Variants in HNRNPLL observed in about 807,000 individuals in gnomAD.
HNRNPLL encodes the protein heterogeneous nuclear ribonucleoprotein L like.
HNRNPLL carries 25 observed loss-of-function variants against 67.1 expected under a neutral mutation model. That is an observed-to-expected ratio of 0.37 (90% confidence interval 0.27 to 0.52). The LOEUF (loss-of-function observed/expected upper bound fraction) is 0.52. HNRNPLL is among the 20% of genes least tolerant of loss of function. The pLI, the probability that HNRNPLL is intolerant of heterozygous loss-of-function variation, is 0.90. For synonymous variants in HNRNPLL, 267 were observed against 241.7 expected, an observed-to-expected ratio of 1.10 and a Z score of -0.97; for missense variants, 542 against 673.9, an observed-to-expected ratio of 0.80 and a Z score of 2.17.
Position 38,602,860 on chromosome 2 carries a change from G to T in HNRNPLL, c.-234C>A. 3 of 1,549,526 alleles carry T rather than the reference G, an allele frequency of 1.9e-6. No homozygotes were observed. The highest frequency in any genetic ancestry group is 2.6e-6 in the Non-Finnish European group (3 of 1,146,398). On this transcript the variant is annotated 5_prime_UTR_variant, in exon 1 of 13. Transcript: ENST00000449105. ...AGCGGCCGCTCCTCTCAATTACCGA[G>T]CCAACATTCAGCCTCTCCCTCCTCC...
chr2:38,585,917 A>G lies in HNRNPLL; in HGVS notation c.309-36T>C, dbSNP rs1443482294. On this transcript the variant is annotated intron_variant, in intron 2 of 12. Transcript: ENST00000449105. ...AGAAAAGGAGGAAACACACAAACAC[A>G]GCAAGTTCCGTTAACATTATTTGTC... The G allele has an allele frequency of 1.2e-5, 15 of 1,222,324 alleles. No individual in the cohort carries two copies. The Admixed American group carries it at 2.4e-4, about 19-fold the overall frequency. The allele number at this position is 1,222,324 out of a possible 1,614,324, so 75.7% of individuals were successfully genotyped here.
At chr2:38,577,779 A>C in intron 6 of HNRNPLL, 2 of 504,310 alleles carry the variant, frequency 4.0e-6, no homozygotes, top group Non-Finnish European at 7.5e-6. Flanking sequence ...AAATACAATC[A>C]CACTTTCAAA....
chr2:38,594,203 C>T (rs181856922), intron 1 of HNRNPLL, among the ~76,000 whole-genome samples: 1 of 151,944 alleles, frequency 6.6e-6, no homozygotes, highest in African/African-American at 2.4e-5. Flanking sequence ...AAAAAACAAA[C>T]AAAAAAACCA....
At chr2:38,571,330 T>C (rs1666074123) in intron 8 of HNRNPLL, among the ~76,000 whole-genome samples, 1 of 152,090 alleles carries the variant, frequency 6.6e-6, no homozygotes, top group African/African-American at 2.4e-5. Context: ...TAGTCACCTA[T>C]TGTTGGAGCA....
chr2:38,600,564 C>G (rs1344909675), intron 1 of HNRNPLL, among the ~76,000 whole-genome samples: 1 of 151,846 alleles, frequency 6.6e-6, no homozygotes, highest in African/African-American at 2.4e-5. Flanking sequence ...CCCTTCTCTA[C>G]AAAACACAGA....
chr2:38,583,067 T>C (rs996686760), intron 4 of HNRNPLL, among the ~76,000 whole-genome samples: 1 of 152,062 alleles, frequency 6.6e-6, no homozygotes, highest in African/African-American at 2.4e-5. Context: ...AAGAAGAACA[T>C]TACAAAGAGC....
intron 6 of HNRNPLL, among the ~76,000 whole-genome samples, chr2:38,578,606 T>C (rs1295596129): frequency 3.3e-5 from 5 of 152,056 alleles, no homozygotes; most frequent in African/African-American, 9.7e-5. Context: ...TTCCAAGTTA[T>C]TGTGGCATTG....
chr2:38,602,172 C>T (rs1572473153), intron 1 of HNRNPLL: 1 of 478,480 alleles, frequency 2.1e-6, no homozygotes, highest in East Asian at 4.0e-5. Flanking sequence ...CCCGCCGCCG[C>T]CGCCGCGCCG....
chr2:38,569,878 A>G lies in HNRNPLL; in HGVS notation c.1140T>C (p.Gly380=). 6.3e-7 allele frequency: 1 copy of G among 1,584,532 alleles called. No homozygotes were observed. Among genetic ancestry groups the G allele is most frequent in the South Asian group, 1.1e-5 (1 of 89,748 alleles). Residue 380 remains glycine (G), a synonymous_variant, in exon 9 of 13, where the codon GGT becomes GGC. Coordinates refer to ENST00000449105, the MANE Select transcript of HNRNPLL (RefSeq NM_138394.4). ...TIPGTALVEM[G]DEYAVERAVT... ...CAGCTCTTTCTACAGCATACTCATCACCCATTTCTACCAGTGCTGTACCAG... is the reference window on the plus strand; with the variant it reads ...CAGCTCTTTCTACAGCATACTCATCGCCCATTTCTACCAGTGCTGTACCAG...
intron 2 of HNRNPLL, among the ~76,000 whole-genome samples, chr2:38,586,393 T>A (rs1666733285): frequency 6.6e-6 from 1 of 152,232 alleles, no homozygotes; most frequent in Admixed American, 6.5e-5. Flanking sequence ...GATAAGTTTA[T>A]CTACCTCATG....
intron 2 of HNRNPLL, among the ~76,000 whole-genome samples, chr2:38,587,791 CGTATT>C (rs1666792109): frequency 6.6e-6 from 1 of 152,220 alleles, no homozygotes; most frequent in South Asian, 2.1e-4. Flanking sequence ...ATCCAAACCT[CGTATT>C]GAATTGTGAT....
At chr2:38,594,182 A>C (rs1667081889) in intron 1 of HNRNPLL, among the ~76,000 whole-genome samples, 1 of 152,208 alleles carries the variant, frequency 6.6e-6, no homozygotes, top group African/African-American at 2.4e-5. Context: ...CTCAAAAAAA[A>C]ACCAAAAACC....
intron 1 of HNRNPLL, among the ~76,000 whole-genome samples, chr2:38,598,015 T>TG (rs1285494358): frequency 7.0e-6 from 1 of 143,754 alleles, no homozygotes; most frequent in East Asian, 2.0e-4. Flanking sequence ...AAAAACAAAC[T>TG]TTTTTTTTTT....
In HNRNPLL at chr2:38,563,798, G is replaced by A. The variant is rs1030728302; in HGVS notation, c.*384C>T. 15 of 158,214 alleles carry A rather than the reference G, an allele frequency of 9.5e-5. No individual in the cohort carries two copies. Among genetic ancestry groups the A allele is most frequent in the African/African-American group, 3.6e-4 (15 of 41,548 alleles). 9.8% of individuals were successfully genotyped at this position (158,214 alleles called of 1,614,324 possible). On this transcript the variant is annotated 3_prime_UTR_variant, in exon 13 of 13. Transcript: ENST00000449105. ...ACTTAAACATCTAAACATATAATAG[G>A]AATTCTATATTAAAATGCAATACTT... is the stretch of plus-strand genomic sequence containing the variant.
chr2:38,590,727 GCATTAAGAACT>G (rs1223172834), intron 2 of HNRNPLL, among the ~76,000 whole-genome samples: 1 of 152,110 alleles, frequency 6.6e-6, no homozygotes, highest in Non-Finnish European at 1.5e-5. Context: ...CTCATGATTT[GCATTAAGAACT>G]CACAGAGCCT....
At chr2:38,573,684 AAAATTATAG>A (rs941589899) in intron 7 of HNRNPLL, among the ~76,000 whole-genome samples, 6 of 151,930 alleles carry the variant, frequency 3.9e-5, no homozygotes, top group Non-Finnish European at 5.9e-5. Flanking sequence ...ACATTTTTAA[AAAATTATAG>A]TTTAACAAGA....
intron 12 of HNRNPLL, 143 bp downstream of exon 12, chr2:38,568,056 C>T (rs1393361775): frequency 3.4e-6 from 2 of 586,604 alleles, no homozygotes; most frequent in Non-Finnish European, 5.9e-6. Flanking sequence ...ATAACTAATA[C>T]AGGAATTAAT....
chr2:38,573,288 C>G lies in HNRNPLL; in HGVS notation c.1014G>C (p.Met338Ile). Residue 338 changes from methionine (M) to isoleucine (I), a missense_variant, in exon 8 of 13, where the codon ATG (methionine) becomes ATC (isoleucine). Coordinates refer to ENST00000449105, the MANE Select transcript of HNRNPLL (RefSeq NM_138394.4). ...HGGNPSGSVV[M>I]VSGLHQLKMN... ...TTTTTAGTTGATGTAATCCACTAACCATTACAACTGAACCAGAGGGATTTC... is the reference window on the plus strand; with the variant it reads ...TTTTTAGTTGATGTAATCCACTAACGATTACAACTGAACCAGAGGGATTTC... 6.2e-7 allele frequency: 1 copy of G among 1,611,742 alleles called. No individual in the cohort carries two copies. The highest frequency in any genetic ancestry group is 8.5e-7 in the Non-Finnish European group (1 of 1,178,678).
At chr2:38,594,001 C>T (rs940681334) in intron 1 of HNRNPLL, among the ~76,000 whole-genome samples, 19 of 152,038 alleles carry the variant, frequency 1.2e-4, no homozygotes, top group African/African-American at 4.1e-4. Context: ...GGTGAAACCC[C>T]GTCTCTACTA....
Sources: allele counts gnomAD v4.1 joint callset (sites outside exome capture counted in the v4.1 genomes callset), GRCh38; gene constraint gnomAD v4.1.1; transcripts MANE v1.5; gene names NCBI Gene and HGNC (gene_info 2026-07-23, HGNC 2026-07-21).